Variants in MCC observed in about 807,000 individuals in gnomAD.
MCC encodes the protein MCC regulator of Wnt signaling pathway, also known as colorectal mutant cancer protein.
MCC carries 90 observed loss-of-function variants against 116.2 expected under a neutral mutation model. That is an observed-to-expected ratio of 0.77 (90% CI 0.65 to 0.92). The LOEUF (loss-of-function observed/expected upper bound fraction) is 0.92. Among genes scored for constraint, MCC ranks in the 40% least tolerant of loss-of-function variants. The pLI, the probability that MCC is intolerant of heterozygous loss-of-function variation, is 0.00. For missense variants in MCC, 1,516 were observed against 1,312.2 expected (o/e 1.16, Z -2.40); for synonymous variants, 578 against 510.5 (o/e 1.13, Z -1.78).
chr5:113,037,708 G>C (rs1050517510), intron 17 of MCC, among the ~76,000 whole-genome samples: 1 of 152,044 alleles, frequency 6.6e-6, no homozygotes, highest in Non-Finnish European at 1.5e-5. Context: ...AAGTACCAGA[G>C]AAGACTCAGA....
chr5:113,049,012 G>T, intron 16 of MCC, 81 bp downstream of exon 16: 1 of 1,336,238 alleles, frequency 7.5e-7, no homozygotes, highest in Non-Finnish European at 1.1e-6. Context: ...CAGCAGGGCG[G>T]TGAGGTGTGG....
intron 8 of MCC, among the ~76,000 whole-genome samples, chr5:113,100,153 TGA>T (rs1476147362): frequency 6.6e-6 from 1 of 152,184 alleles, no homozygotes; most frequent in Non-Finnish European, 1.5e-5. Flanking sequence ...TGTTCAGATA[TGA>T]GAGGTAGTAG....
intron 3 of MCC, among the ~76,000 whole-genome samples, chr5:113,292,811 C>T (rs1261129371): frequency 6.6e-6 from 1 of 152,112 alleles, no homozygotes; most frequent in Non-Finnish European, 1.5e-5. Context: ...AAAAGAAATG[C>T]CTTCAGTTTT....
At chr5:113,296,026 C>T (rs1032621084) in intron 3 of MCC, among the ~76,000 whole-genome samples, 3 of 152,132 alleles carry the variant, frequency 2.0e-5, no homozygotes, top group East Asian at 1.9e-4. Flanking sequence ...TTGCATATAA[C>T]GTTTTACCCA....
At chr5:113,408,156 C>T (rs1360881272) in intron 1 of MCC, among the ~76,000 whole-genome samples, 1 of 152,178 alleles carries the variant, frequency 6.6e-6, no homozygotes, top group Non-Finnish European at 1.5e-5. Flanking sequence ...CCTCATCTCA[C>T]TTCAAACACT....
At chr5:113,237,094 G>A (rs1299007116) in intron 3 of MCC, among the ~76,000 whole-genome samples, 2 of 152,172 alleles carry the variant, frequency 1.3e-5, no homozygotes, top group Non-Finnish European at 2.9e-5. Context: ...GAACTTGCCT[G>A]TTCAAAGGAA....
At chr5:113,104,399 T>C in intron 6 of MCC, 44 bp from the exon 7 acceptor site, 2 of 1,540,122 alleles carry the variant, frequency 1.3e-6, no homozygotes, top group East Asian at 2.3e-5. Context: ...GGGCAACAAA[T>C]GCTGTCTGTT....
chr5:113,133,011 T>C (rs184825705), intron 5 of MCC, among the ~76,000 whole-genome samples: 1 of 152,168 alleles, frequency 6.6e-6, no homozygotes, highest in African/African-American at 2.4e-5. Context: ...TTTCTTTTTT[T>C]TTTGTTTTTA....
intron 2 of MCC, among the ~76,000 whole-genome samples, chr5:113,360,152 T>A (rs1768510915): frequency 6.6e-6 from 1 of 151,740 alleles, no homozygotes; most frequent in South Asian, 2.1e-4. Context: ...ATCAGCCTAA[T>A]CAAAATGGAA....
chr5:113,261,559 A>G (rs1197762144), intron 3 of MCC, among the ~76,000 whole-genome samples: 1 of 152,250 alleles, frequency 6.6e-6, no homozygotes, highest in Non-Finnish European at 1.5e-5. Context: ...CTTTAGGAGA[A>G]GAATTTACAA....
At chr5:113,301,139 C>T (rs926605574) in intron 3 of MCC, among the ~76,000 whole-genome samples, 1 of 152,190 alleles carries the variant, frequency 6.6e-6, no homozygotes, top group Non-Finnish European at 1.5e-5. Flanking sequence ...AGCTAGCACT[C>T]TTGATGGGAA....
chr5:113,119,877 T>C (rs753956814), intron 6 of MCC, among the ~76,000 whole-genome samples: 3 of 152,216 alleles, frequency 2.0e-5, no homozygotes, highest in Non-Finnish European at 4.4e-5. Context: ...AAAATGAGGA[T>C]GCCCCATGGC....
intron 3 of MCC, among the ~76,000 whole-genome samples, chr5:113,221,582 CAAT>C (rs1462773842): frequency 6.6e-6 from 1 of 152,198 alleles, no homozygotes; most frequent in Non-Finnish European, 1.5e-5. Context: ...TTGCTTCTGG[CAAT>C]AATATTACTA....
chr5:113,349,810 A>C (rs1208353420), intron 2 of MCC, among the ~76,000 whole-genome samples: 1 of 152,098 alleles, frequency 6.6e-6, no homozygotes, highest in Admixed American at 6.6e-5. Context: ...CTCCACCAAA[A>C]AGTTATTAGA....
At chr5:113,277,710 A>C (rs1245275297) in intron 3 of MCC, among the ~76,000 whole-genome samples, 1 of 152,206 alleles carries the variant, frequency 6.6e-6, no homozygotes, top group Non-Finnish European at 1.5e-5. Context: ...ATTTGAGTAC[A>C]AACAGTACCA....
At chr5:113,435,304 A>T in intron 1 of MCC, 1 of 165,606 alleles carries the variant, frequency 6.0e-6, no homozygotes, top group African/African-American at 2.4e-5. Flanking sequence ...CAATTAATAA[A>T]GGTGGGAGCA....
rs1427405739 is a variant in MCC at position 113,064,186 on chromosome 5, A to C, written c.2030-19T>G. On this transcript the variant is annotated intron_variant, in intron 13 of 18. Coordinates refer to ENST00000408903, the MANE Select transcript of MCC (RefSeq NM_001085377.2). ...TGGTCTCCTATGTGGCAGAGAAGCC[A>C]ACGGATTAATCAACATAGGCCTGGA... The C allele has an allele frequency of 6.3e-7, 1 of 1,597,378 alleles. No homozygotes were observed. The highest frequency in any genetic ancestry group is 1.1e-5 in the South Asian group (1 of 88,482).
At chr5:113,458,142 A>G (rs1260755765) in intron 1 of MCC, among the ~76,000 whole-genome samples, 1 of 152,166 alleles carries the variant, frequency 6.6e-6, no homozygotes, top group African/African-American at 2.4e-5. Context: ...GTGGCAACCC[A>G]CTACGGTCCC....
chr5:113,384,493 C>T (rs1269820595), intron 2 of MCC, among the ~76,000 whole-genome samples: 1 of 152,122 alleles, frequency 6.6e-6, no homozygotes, highest in Non-Finnish European at 1.5e-5. Flanking sequence ...GAGACTGAGG[C>T]AGGAGAAAGG....
Sources: gnomAD v4.1 joint callset for allele counts (sites outside exome capture counted in the v4.1 genomes callset) on GRCh38, gnomAD v4.1.1 for gene constraint, MANE v1.5 for transcripts, NCBI Gene and HGNC (gene_info 2026-07-23, HGNC 2026-07-21) for gene names.